The following SAMD4B variants were observed in gnomAD, a reference collection of about 807,000 sequenced individuals.
SAMD4B encodes protein Smaug homolog 2.
Under a neutral mutation model 74.5 loss-of-function variants are expected in SAMD4B, and 5 were observed. The observed-to-expected ratio is 0.07, with a 90% CI of 0.04 to 0.14. SAMD4B has a LOEUF of 0.14. Ranked by LOEUF, SAMD4B falls within the 10% of genes least tolerant of loss-of-function variation. SAMD4B has a pLI of 1.00. For missense variants in SAMD4B, 608 were observed against 921.8 expected (o/e 0.66, Z 4.41); for synonymous variants, 373 against 374.9 (o/e 1.00, Z 0.06).
intron 1 of SAMD4B, among the ~76,000 whole-genome samples, chr19:39,353,044 TCA>T (rs1166715784): frequency 6.6e-6 from 1 of 152,210 alleles, no homozygotes; most frequent in African/African-American, 2.4e-5. Context: ...TATTACCTCC[TCA>T]CATGGCAGCC....
intron 7 of SAMD4B, 63 bp from the exon 8 acceptor site, chr19:39,377,422 A>T (rs2077667032): frequency 7.2e-7 from 1 of 1,382,478 alleles, no homozygotes; most frequent in Non-Finnish European, 9.9e-7. Flanking sequence ...CTCTCTGTGT[A>T]GATACTCTCT....
intron 7 of SAMD4B, among the ~76,000 whole-genome samples, chr19:39,377,124 A>G (rs373487017): frequency 4.6e-5 from 7 of 151,638 alleles, no homozygotes; most frequent in South Asian, 2.1e-4. Flanking sequence ...TTTCCATTTG[A>G]TTGTTTCTAA....
chr19:39,345,139 C>G (rs1249621660), intron 1 of SAMD4B, among the ~76,000 whole-genome samples: 1 of 152,200 alleles, frequency 6.6e-6, no homozygotes, highest in Non-Finnish European at 1.5e-5. Context: ...GATGCACACG[C>G]AAGTTTGAGA....
At chr19:39,372,234 G>T (rs1387516837) in intron 4 of SAMD4B, among the ~76,000 whole-genome samples, 1 of 152,200 alleles carries the variant, frequency 6.6e-6, no homozygotes, top group East Asian at 1.9e-4. Flanking sequence ...TCTGGCTGGG[G>T]TGGATTCGAA....
chr19:39,386,515 T>C, downstream of SAMD4B: 1 of 1,614,134 alleles, frequency 6.2e-7, no homozygotes, highest in Non-Finnish European at 8.5e-7. This position sits in a 1 kb window ranked among gnomAD's most constrained non-coding sequence, Gnocchi z 6.1. Context: ...TCTGTCTCCA[T>C]CTCCTCTTCC....
intron 3 of SAMD4B, among the ~76,000 whole-genome samples, chr19:39,357,348 G>A (rs2076392346): frequency 6.6e-6 from 1 of 152,170 alleles, no homozygotes; most frequent in South Asian, 2.1e-4. Context: ...AGATCATGTA[G>A]AGTGGCTTAT....
At chr19:39,386,896 G>GT, downstream of SAMD4B, 1 of 801,712 alleles carries the variant, frequency 1.2e-6, no homozygotes, top group African/African-American at 1.7e-5. The surrounding 1 kb of genome is among the most constrained non-coding windows in gnomAD (Gnocchi z 6.1). Flanking sequence ...GTCTGACTTG[G>GT]TTCCCCATCA....
chr19:39,372,548 G>A (rs1021356763), intron 4 of SAMD4B, among the ~76,000 whole-genome samples: 2 of 152,150 alleles, frequency 1.3e-5, no homozygotes, highest in African/African-American at 4.8e-5. Context: ...TTGAGGGCAG[G>A]CAGCTTGGGT....
chr19:39,368,478 G>A (rs531544553), intron 3 of SAMD4B, among the ~76,000 whole-genome samples: 1 of 152,238 alleles, frequency 6.6e-6, no homozygotes, highest in South Asian at 2.1e-4. Flanking sequence ...GGAAGATGGG[G>A]AGATATCCTG....
At chr19:39,388,949 T>G, downstream of SAMD4B, 1 of 1,614,098 alleles carries the variant, frequency 6.2e-7, no homozygotes, top group Non-Finnish European at 8.5e-7. Flanking sequence ...GGCCTGACCT[T>G]AAAGTCTGGG....
At chr19:39,361,694 T>C (rs1411073712) in intron 3 of SAMD4B, among the ~76,000 whole-genome samples, 2 of 147,264 alleles carry the variant, frequency 1.4e-5, no homozygotes, top group South Asian at 2.2e-4. Flanking sequence ...GAGGCCGAGG[T>C]GGGCGGATCA....
At chr19:39,362,241 G>A (rs1382576738) in intron 3 of SAMD4B, among the ~76,000 whole-genome samples, 1 of 152,234 alleles carries the variant, frequency 6.6e-6, no homozygotes, top group Non-Finnish European at 1.5e-5. Context: ...TATCCCTGGA[G>A]ATTTAAAGCT....
downstream of SAMD4B, chr19:39,388,497 T>C (rs922408841): frequency 6.2e-7 from 1 of 1,613,988 alleles, no homozygotes; most frequent in Non-Finnish European, 8.5e-7. Flanking sequence ...TTCAGCCCCA[T>C]TTCTTCCCTA....
intron 3 of SAMD4B, among the ~76,000 whole-genome samples, chr19:39,366,684 CAG>C (rs932297406): frequency 3.3e-5 from 5 of 152,174 alleles, no homozygotes; most frequent in African/African-American, 4.8e-5. Context: ...GGGCTACAGA[CAG>C]GGCATTTCTG....
rs1234216913 is a variant in SAMD4B, at chr19:39,382,722, C to A, written c.1973-486C>A. Among the ~76,000 whole-genome samples, 3 of 152,254 alleles carry A rather than the reference C, an allele frequency of 2.0e-5. No homozygotes were observed. The East Asian group carries it at 5.8e-4, about 29-fold the overall frequency. ...TGAGGACAAGTCCCATGGTGGTTGT[C>A]CTACTTTGCCCCCACCTGCCTGGCC... is the stretch of plus-strand genomic sequence containing the variant. On this transcript the variant is annotated intron_variant, in intron 12 of 13. Coordinates refer to ENST00000610417, the MANE Select transcript of SAMD4B (RefSeq NM_001384574.2).
chr19:39,352,983 G>C (rs30455), intron 1 of SAMD4B, among the ~76,000 whole-genome samples: 1 of 151,916 alleles, frequency 6.6e-6, no homozygotes, highest in Non-Finnish European at 1.5e-5. Flanking sequence ...TCCCACTCCC[G>C]AGGGATGTTC....
chr19:39,388,757 C>G (rs186647353), downstream of SAMD4B: 64 of 1,612,738 alleles, frequency 4.0e-5, 1 homozygote, highest in African/African-American at 8.0e-4. Context: ...AGCAGGACCA[C>G]CTACCTAATC....
At chr19:39,388,732 C>T, downstream of SAMD4B, 2 of 1,606,138 alleles carry the variant, frequency 1.2e-6, no homozygotes, top group Non-Finnish European at 1.7e-6. Context: ...CAGCAAGGAG[C>T]AGGCCAAGGT....
At chr19:39,359,741 C>A (rs187828341) in intron 3 of SAMD4B, among the ~76,000 whole-genome samples, 1 of 152,192 alleles carries the variant, frequency 6.6e-6, no homozygotes, top group Non-Finnish European at 1.5e-5. Flanking sequence ...CTTCAGAGTT[C>A]TTTAGAGCTC....
Sources: allele counts gnomAD v4.1 joint callset (sites outside exome capture counted in the v4.1 genomes callset), GRCh38; gene constraint gnomAD v4.1.1; non-coding constraint Gnocchi (gnomAD v3.1); transcripts MANE v1.5; gene names NCBI Gene and HGNC (gene_info 2026-07-23, HGNC 2026-07-21).